The following SUMF1 variants were observed in gnomAD, a reference collection of about 807,000 sequenced individuals.
SUMF1 encodes sulfatase modifying factor 1.
SUMF1 carries 48 observed loss-of-function variants against 47.6 expected under a neutral mutation model. That is an observed-to-expected ratio of 1.01 (90% CI 0.80 to 1.28). The LOEUF (loss-of-function observed/expected upper bound fraction) is 1.28. Among genes scored for constraint, SUMF1 ranks in the 50% most tolerant of loss-of-function variants. The pLI is 0.00. For synonymous variants in SUMF1, 230 were observed against 192.1 expected (o/e 1.20, Z -1.63); for missense variants, 571 against 485.4 (o/e 1.18, Z -1.66).
intron 8 of SUMF1, among the ~76,000 whole-genome samples, chr3:4,265,405 T>C (rs1238607778): frequency 6.6e-6 from 1 of 152,164 alleles, no homozygotes; most frequent in Non-Finnish European, 1.5e-5. Flanking sequence ...TTTGTCCATT[T>C]TTTTGGCAAC....
At chr3:4,134,372 G>C (rs1363935034) in intron 8 of SUMF1, among the ~76,000 whole-genome samples, 1 of 151,980 alleles carries the variant, frequency 6.6e-6, no homozygotes, top group African/African-American at 2.4e-5. Context: ...ATGACTACTG[G>C]GTACATAACA....
chr3:4,267,921 A>G (rs1228282432), intron 8 of SUMF1, among the ~76,000 whole-genome samples: 2 of 151,044 alleles, frequency 1.3e-5, no homozygotes, highest in African/African-American at 4.9e-5. Context: ...ATGCTGCTAT[A>G]AAGACACATG....
intron 8 of SUMF1, among the ~76,000 whole-genome samples, chr3:4,099,863 C>A (rs3913295): frequency 2.0e-5 from 3 of 149,086 alleles, no homozygotes; most frequent in East Asian, 2.0e-4. Context: ...GCAATAGCAT[C>A]AAAAAAAATA....
intron 9 of SUMF1, among the ~76,000 whole-genome samples, chr3:4,064,130 A>G (rs955049112): frequency 1.3e-5 from 2 of 152,096 alleles, no homozygotes; most frequent in African/African-American, 4.8e-5. Flanking sequence ...CGCATTCCCC[A>G]GAGGTTAGGC....
chr3:4,131,608 T>A lies in SUMF1; in HGVS notation c.1015-62863A>T, dbSNP rs58891954. Among the ~76,000 whole-genome samples, 984 of 152,276 alleles carry A rather than the reference T, an allele frequency of 6.5e-3. 21 individuals are homozygous for A. The highest frequency in any genetic ancestry group is 0.023 in the African/African-American group (945 of 41,542). On this transcript the variant is annotated intron_variant and NMD_transcript_variant, in intron 8 of 12. Coordinates refer to the SUMF1 transcript ENST00000448413. ...GGCCAGATATGCAATTACATACTGATTCATGGGCTGTAGCTAATGGTTTGG... is the reference window on the plus strand; with the variant it reads ...GGCCAGATATGCAATTACATACTGAATCATGGGCTGTAGCTAATGGTTTGG...
At chr3:4,226,622 A>G (rs530610530) in intron 8 of SUMF1, among the ~76,000 whole-genome samples, 1 of 152,094 alleles carries the variant, frequency 6.6e-6, no homozygotes, top group East Asian at 1.9e-4. Context: ...ACTATTTGCT[A>G]TGGTTATTTT....
chr3:4,392,640 T>C lies in SUMF1; in HGVS notation c.955-16251A>G, dbSNP rs1039852965. On this transcript the variant is annotated intron_variant, in intron 7 of 8. Transcript: ENST00000272902. ...GTATATATATATATATATATATATA[T>C]CTACCTATATATATAAAGAGAGAAA... Among the ~76,000 whole-genome samples, 612 of 135,178 alleles carry C rather than the reference T, an allele frequency of 4.5e-3. 6 individuals are homozygous for C. Among genetic ancestry groups the C allele is most frequent in the African/African-American group, 0.016 (585 of 37,694 alleles). 88.7% of individuals were successfully genotyped at this position (135,178 alleles called of 152,430 possible).
Position 4,099,543 on chromosome 3 carries a change from TCAG to T in SUMF1, c.1015-30801_1015-30799del, listed in dbSNP as rs199547589. On this transcript the variant is annotated intron_variant and NMD_transcript_variant, in intron 8 of 12. Transcript: ENST00000448413. ...AAAGTCAAATGCTTTCCATCTAAGA[TCAG>T]GAAGAAGACAAAGATGGCTACTCTA... Among the ~76,000 whole-genome samples the T allele has an allele frequency of 6.3e-3, 964 of 152,174 alleles. 13 individuals carry two copies. Among genetic ancestry groups the T allele is most frequent in the African/African-American group, 0.022 (921 of 41,506 alleles).
At chr3:4,251,742 T>C (rs777769499) in intron 8 of SUMF1, among the ~76,000 whole-genome samples, 2 of 152,200 alleles carry the variant, frequency 1.3e-5, no homozygotes, top group Non-Finnish European at 2.9e-5. Flanking sequence ...TTTACCTACA[T>C]TGAAAATCTG....
At chr3:4,244,938 GT>G (rs1193263769) in intron 8 of SUMF1, among the ~76,000 whole-genome samples, 1 of 151,614 alleles carries the variant, frequency 6.6e-6, no homozygotes, top group African/African-American at 2.4e-5. Flanking sequence ...TCGTTTTTGG[GT>G]TTTTTTCACT....
chr3:4,431,869 G>C (rs948662688), intron 3 of SUMF1, among the ~76,000 whole-genome samples: 1 of 152,138 alleles, frequency 6.6e-6, no homozygotes, highest in Non-Finnish European at 1.5e-5. Context: ...AAAGTGTCTT[G>C]ATTTGGACAA....
chr3:4,420,397 A>ATTT lies in SUMF1; in HGVS notation c.520-254_520-252dup, dbSNP rs35849841. Reference sequence around the variant, plus strand: ...ATTTAAATGGTGTATATCTATAAGAATTTTTTTTTTTTTTTTGAGATGGAG... The same window carrying ATTT: ...ATTTAAATGGTGTATATCTATAAGAATTTTTTTTTTTTTTTTTTTGAGATGGAG... On this transcript the variant is annotated intron_variant, in intron 3 of 8. Transcript: ENST00000272902. Among the ~76,000 whole-genome samples, 458 of 140,830 alleles carry ATTT rather than the reference A, an allele frequency of 3.3e-3. 10 individuals carry two copies. The highest frequency in any genetic ancestry group is 0.016 in the South Asian group (73 of 4,456). 92.4% of individuals were successfully genotyped at this position (140,830 alleles called of 152,430 possible). A position where few individuals can be genotyped will look rare whatever the true frequency, so the allele number is the denominator to read the frequency against.
At chr3:4,212,594 G>A (rs1695824132) in intron 8 of SUMF1, among the ~76,000 whole-genome samples, 1 of 151,936 alleles carries the variant, frequency 6.6e-6, no homozygotes, top group African/African-American at 2.4e-5. Flanking sequence ...TTTAGAAGGT[G>A]GTAAATAACA....
intron 8 of SUMF1, among the ~76,000 whole-genome samples, chr3:4,159,792 C>G (rs944211593): frequency 1.3e-4 from 20 of 152,118 alleles, no homozygotes; most frequent in Non-Finnish European, 2.6e-4. Flanking sequence ...GTCTTAATTT[C>G]TCTTTTATGT....
At chr3:4,464,922 C>G (rs1328122420) in intron 1 of SUMF1, among the ~76,000 whole-genome samples, 1 of 152,128 alleles carries the variant, frequency 6.6e-6, no homozygotes, top group Non-Finnish European at 1.5e-5. Flanking sequence ...CCAAAGATGG[C>G]CCATATAGCA....
intron 7 of SUMF1, among the ~76,000 whole-genome samples, chr3:4,402,185 G>A (rs973724143): frequency 6.6e-6 from 1 of 152,074 alleles, no homozygotes; most frequent in Admixed American, 6.6e-5. Context: ...AAAAGAAGTG[G>A]GGAAAGAAAG....
At chr3:4,337,201 CCCTCCCT>C (rs869105844) in intron 8 of SUMF1, among the ~76,000 whole-genome samples, 1 of 125,820 alleles carries the variant, frequency 7.9e-6, no homozygotes, top group Non-Finnish European at 1.6e-5. Context: ...CTCCCTCCCT[CCCTCCCT>C]CCTTTCTTCC....
chr3:4,243,540 C>CATGT (rs540166734), intron 8 of SUMF1, among the ~76,000 whole-genome samples: 89 of 152,122 alleles, frequency 5.9e-4, no homozygotes, highest in African/African-American at 2.0e-3. Flanking sequence ...ATTTGGGAGC[C>CATGT]AGTTGTTCAG....
chr3:4,081,813 A>G (rs1054289470), intron 8 of SUMF1, among the ~76,000 whole-genome samples: 4 of 152,164 alleles, frequency 2.6e-5, no homozygotes, highest in African/African-American at 9.7e-5. Flanking sequence ...TATTTTGTAG[A>G]TGTGTTTAAC....
Sources: allele counts gnomAD v4.1 joint callset (sites outside exome capture counted in the v4.1 genomes callset), GRCh38; gene constraint gnomAD v4.1.1; transcripts MANE v1.5; gene names NCBI Gene and HGNC (gene_info 2026-07-23, HGNC 2026-07-21).